Variants in UGT1A8 observed in about 807,000 individuals in gnomAD.
The protein encoded by UGT1A8 is UDP-glucuronosyltransferase 1A8.
UGT1A8 carries 39 observed loss-of-function variants against 45.3 expected under a neutral mutation model. That is an observed-to-expected ratio of 0.86 (90% confidence interval 0.67 to 1.12). The LOEUF (loss-of-function observed/expected upper bound fraction) is 1.12. Among genes scored for constraint, UGT1A8 ranks in the 50% most tolerant of loss-of-function variants. UGT1A8 has a pLI of 0.00. For synonymous variants in UGT1A8, 275 were observed against 249.2 expected (o/e 1.10, Z -0.97); for missense variants, 719 against 664.9 (o/e 1.08, Z -0.90).
chr2:233,647,660 G>C lies in UGT1A8; in HGVS notation c.855+29098G>C, dbSNP rs543757621. Among the ~76,000 whole-genome samples, 3 of 152,298 alleles carry C rather than the reference G, an allele frequency of 2.0e-5. No homozygotes were observed. In the South Asian group the frequency reaches 6.2e-4, roughly 32 times the overall value. On this transcript the variant is annotated intron_variant, in intron 1 of 4. Coordinates refer to ENST00000373450, the MANE Select transcript of UGT1A8 (RefSeq NM_019076.5). ...GAAATTTGTCCATTCCATCTAAGTT[G>C]TAGATTTTATTGGCATGAACTTGTT...
chr2:233,744,569 T>A (rs1692854365), intron 1 of UGT1A8, among the ~76,000 whole-genome samples: 2 of 151,878 alleles, frequency 1.3e-5, no homozygotes, highest in Non-Finnish European at 2.9e-5. Context: ...GTGAGAAGAG[T>A]GGCATCGTTT....
chr2:233,755,337 A>G (rs1695871666), intron 1 of UGT1A8: 2 of 434,782 alleles, frequency 4.6e-6, no homozygotes, highest in Admixed American at 3.7e-5. Flanking sequence ...ACCCGCGCAC[A>G]GGTCAGAGGC....
At chr2:233,724,314 G>C (rs1472414004) in intron 1 of UGT1A8, among the ~76,000 whole-genome samples, 1 of 144,282 alleles carries the variant, frequency 6.9e-6, no homozygotes, top group African/African-American at 2.6e-5. Flanking sequence ...CCTCCCGGAC[G>C]GGGCGGCTGG....
intron 1 of UGT1A8, among the ~76,000 whole-genome samples, chr2:233,670,234 T>C (rs1001117090): frequency 2.6e-5 from 4 of 152,152 alleles, no homozygotes; most frequent in Admixed American, 1.3e-4. Flanking sequence ...TTGTCCTCCA[T>C]TGAGTAGGCT....
intron 1 of UGT1A8, among the ~76,000 whole-genome samples, chr2:233,657,143 C>T (rs552684058): frequency 1.1e-4 from 17 of 152,326 alleles, no homozygotes; most frequent in Non-Finnish European, 2.4e-4. Flanking sequence ...TCTGGTGATG[C>T]CCTGTGGCCT....
intron 1 of UGT1A8, among the ~76,000 whole-genome samples, chr2:233,653,839 T>C (rs1300650283): frequency 6.6e-6 from 1 of 152,214 alleles, no homozygotes; most frequent in African/African-American, 2.4e-5. Flanking sequence ...TCAGATGATC[T>C]GCCCTTCTCA....
In UGT1A8 at chr2:233,659,033, G is replaced by A. The variant is rs138216088; in HGVS notation, c.855+40471G>A. Among the ~76,000 whole-genome samples, 17 of 152,330 alleles carry A rather than the reference G, an allele frequency of 1.1e-4. No individual in the cohort carries two copies. In the East Asian group the frequency reaches 2.7e-3, roughly 24 times the overall value. On this transcript the variant is annotated intron_variant, in intron 1 of 4. Coordinates refer to ENST00000373450, the MANE Select transcript of UGT1A8 (RefSeq NM_019076.5). ...ATATTTAAGTTACAGTTCAACTGGG[G>A]AGAAACAGCATCCTAACAATTTTGA...
intron 1 of UGT1A8, chr2:233,682,088 AG>A (rs1304438877): frequency 1.2e-6 from 2 of 1,613,894 alleles, no homozygotes; most frequent in African/African-American, 2.7e-5. Context: ...ACTCATCCTC[AG>A]GGGGCATGAG....
At chr2:233,694,877 T>C (rs1192899397) in intron 1 of UGT1A8, among the ~76,000 whole-genome samples, 1 of 152,212 alleles carries the variant, frequency 6.6e-6, no homozygotes, top group African/African-American at 2.4e-5. Context: ...TTGTACACAT[T>C]TGGGGGGTTC....
At chr2:233,770,673 AAAG>A (rs1468674033) in intron 4 of UGT1A8, 2 of 152,078 alleles carry the variant, frequency 1.3e-5, no homozygotes, top group Admixed American at 6.6e-5. Context: ...AAAAAAAAAA[AAAG>A]AAGGTTCCAA....
chr2:233,701,126 A>G (rs1398709726), intron 1 of UGT1A8, among the ~76,000 whole-genome samples: 2 of 152,140 alleles, frequency 1.3e-5, no homozygotes, highest in African/African-American at 4.8e-5. Flanking sequence ...TCATTGAGGG[A>G]CATTTAGGTT....
rs185924649 is a variant in UGT1A8, at chr2:233,637,693, C to T, written c.855+19131C>T. 4.7e-3 allele frequency among the ~76,000 whole-genome samples: 721 copies of T among 152,108 alleles called. 6 individuals carry two copies. Among genetic ancestry groups the T allele is most frequent in the Non-Finnish European group, 4.7e-3 (318 of 67,992 alleles). On this transcript the variant is annotated intron_variant, in intron 1 of 4. Transcript: ENST00000373450. ...GTTTTTTGTTAATTCTATGTGACCCCGTAGTTGAAATGCTCTTAAGTTTTG... is the reference window on the plus strand; with the variant it reads ...GTTTTTTGTTAATTCTATGTGACCCTGTAGTTGAAATGCTCTTAAGTTTTG...
intron 1 of UGT1A8, among the ~76,000 whole-genome samples, chr2:233,702,208 A>C (rs2075676180): frequency 6.6e-6 from 1 of 152,148 alleles, no homozygotes; most frequent in South Asian, 2.1e-4. Context: ...GCCATTAATC[A>C]ACTTTCTGTC....
At chr2:233,677,532 C>G (rs1215310768) in intron 1 of UGT1A8, among the ~76,000 whole-genome samples, 1 of 151,860 alleles carries the variant, frequency 6.6e-6, no homozygotes, top group Non-Finnish European at 1.5e-5. Flanking sequence ...ATGCAGCTAG[C>G]TAGAGAAAAG....
chr2:233,713,979 T>G lies in UGT1A8; in HGVS notation c.856-53055T>G. 2.5e-6 allele frequency: 4 copies of G among 1,594,106 alleles called. No individual in the cohort carries two copies. In the South Asian group the frequency reaches 4.6e-5, roughly 18 times the overall value. On this transcript the variant is annotated intron_variant, in intron 1 of 4. Coordinates refer to ENST00000373450, the MANE Select transcript of UGT1A8 (RefSeq NM_019076.5). ...CCAAAGATTTCATTTCTGCTTCTCATTGTTGTAATAGTCTTCAGTGAGATA... is the reference window on the plus strand; with the variant it reads ...CCAAAGATTTCATTTCTGCTTCTCAGTGTTGTAATAGTCTTCAGTGAGATA...
rs1285191532 is a variant in UGT1A8 at position 233,618,051 on chromosome 2, G to T, written c.344G>T (p.Gly115Val). 1.2e-6 allele frequency: 2 copies of T among 1,613,936 alleles called. No individual in the cohort carries two copies. Among genetic ancestry groups the T allele is most frequent in the Admixed American group, 1.7e-5 (1 of 59,974 alleles). ...LFSLFLSSSN[G>V]FFNLFFSHCR... ...TCTCTATTTCTGAGTTCATCCAATGGTTTTTTTAACTTATTTTTTTCGCAT... is the reference window on the plus strand; with the variant it reads ...TCTCTATTTCTGAGTTCATCCAATGTTTTTTTTAACTTATTTTTTTCGCAT... The change falls in exon 1 of 5, where the codon GGT becomes GTT. Residue 115 changes from glycine (G) to valine (V), a missense_variant. Transcript: ENST00000373450.
Position 233,675,445 on chromosome 2 carries a change from T to G in UGT1A8, c.855+56883T>G, listed in dbSNP as rs1479955710. ...ATGACTGGTTTTAGGTGAAAAGAAT[T>G]CAGGCTTTGTCTATACCATCCATGG... On this transcript the variant is annotated intron_variant, in intron 1 of 4. Coordinates refer to ENST00000373450, the MANE Select transcript of UGT1A8 (RefSeq NM_019076.5). Among the ~76,000 whole-genome samples, 3 of 152,288 alleles carry G rather than the reference T, an allele frequency of 2.0e-5. No individual in the cohort carries two copies. The East Asian group carries it at 5.8e-4, about 29-fold the overall frequency.
At chr2:233,738,225 T>C (rs1690730877) in intron 1 of UGT1A8, among the ~76,000 whole-genome samples, 1 of 152,022 alleles carries the variant, frequency 6.6e-6, no homozygotes, top group South Asian at 2.1e-4. Context: ...ATAAGTTTCC[T>C]GAGGCCCCTC....
At chr2:233,762,404 G>A (rs1193458401) in intron 1 of UGT1A8, among the ~76,000 whole-genome samples, 1 of 152,070 alleles carries the variant, frequency 6.6e-6, no homozygotes, top group Non-Finnish European at 1.5e-5. Flanking sequence ...AAATTTTTTG[G>A]TTGCTTTTTC....
Sources: gnomAD v4.1 joint callset for allele counts (sites outside exome capture counted in the v4.1 genomes callset) on GRCh38, gnomAD v4.1.1 for gene constraint, MANE v1.5 for transcripts, NCBI Gene and HGNC (gene_info 2026-07-23, HGNC 2026-07-21) for gene names.